LOXHD1: variants seen among roughly 807,000 people sequenced by gnomAD.
LOXHD1 encodes lipoxygenase homology domain-containing protein 1.
Under a neutral mutation model 248.2 loss-of-function variants are expected in LOXHD1, and 205 were observed. The observed-to-expected ratio is 0.83, with a 90% CI of 0.74 to 0.93. The LOEUF (loss-of-function observed/expected upper bound fraction) is 0.93, where lower values mean the gene tolerates loss of function less well. LOXHD1 is among the 40% of genes least tolerant of loss of function. LOXHD1 has a pLI of 0.00. For synonymous variants in LOXHD1, 1,113 were observed against 1,162.8 expected, an observed-to-expected ratio of 0.96 and a Z score of 0.87; for missense variants, 2,930 against 2,971.6, an observed-to-expected ratio of 0.99 and a Z score of 0.33.
At chr18:46,567,397 G>T (rs1568190787) in intron 16 of LOXHD1, among the ~76,000 whole-genome samples, 2 of 152,244 alleles carry the variant, frequency 1.3e-5, no homozygotes, top group Non-Finnish European at 2.9e-5. Context: ...CAACGTCAGA[G>T]CTAAGTGCAT....
intron 37 of LOXHD1, among the ~76,000 whole-genome samples, chr18:46,489,409 T>C (rs983077516): frequency 4.6e-5 from 7 of 152,206 alleles, no homozygotes; most frequent in African/African-American, 1.4e-4. Context: ...AAGCAGTCCA[T>C]GACCCCAAGA....
At chr18:46,519,924 T>C (rs1266880222) in intron 33 of LOXHD1, among the ~76,000 whole-genome samples, 2 of 152,194 alleles carry the variant, frequency 1.3e-5, no homozygotes, top group African/African-American at 4.8e-5. Context: ...CTTTGTGCCA[T>C]GGATAACGGG....
At chr18:46,575,941 C>A (rs1322056919) in intron 14 of LOXHD1, among the ~76,000 whole-genome samples, 1 of 152,168 alleles carries the variant, frequency 6.6e-6, no homozygotes, top group African/African-American at 2.4e-5. Context: ...ACCTGCCTGT[C>A]TTGCTGGACT....
intron 23 of LOXHD1, among the ~76,000 whole-genome samples, 197 bp from the exon 24 acceptor site, chr18:46,543,052 G>T (rs2036633510): frequency 6.6e-6 from 1 of 152,132 alleles, no homozygotes; most frequent in Non-Finnish European, 1.5e-5. Flanking sequence ...AGCTTTTGGG[G>T]TACAGGTGGT....
At chr18:46,580,381 A>T (rs1037605326) in intron 12 of LOXHD1, among the ~76,000 whole-genome samples, 2 of 152,268 alleles carry the variant, frequency 1.3e-5, no homozygotes, top group Non-Finnish European at 2.9e-5. Context: ...TGATAAGGAC[A>T]TGCCAGTAAG....
chr18:46,569,908 G>A (rs2037718363), intron 15 of LOXHD1, among the ~76,000 whole-genome samples: 1 of 152,228 alleles, frequency 6.6e-6, no homozygotes, highest in African/African-American at 2.4e-5. Context: ...GAGCAGGAAA[G>A]CGTGTAAATC....
At chr18:46,489,244 G>T in intron 37 of LOXHD1, 102 bp from the exon 38 acceptor site, 1 of 1,254,824 alleles carries the variant, frequency 8.0e-7, no homozygotes, top group Non-Finnish European at 1.1e-6. Context: ...CCCTGGACAA[G>T]TTATCTGTCC....
chr18:46,610,996 G>T, intron 5 of LOXHD1, 72 bp from the exon 6 acceptor site: 1 of 1,512,616 alleles, frequency 6.6e-7, no homozygotes, highest in Non-Finnish European at 8.9e-7. Flanking sequence ...TTCATGGTCC[G>T]CCCACTGAAA....
intron 34 of LOXHD1, among the ~76,000 whole-genome samples, chr18:46,512,327 G>A (rs1389457793): frequency 6.6e-6 from 1 of 151,522 alleles, no homozygotes. Context: ...ACCCAGAAAC[G>A]ACTCAGCATG....
At chr18:46,482,826 G>T (rs2032696713) in intron 40 of LOXHD1, among the ~76,000 whole-genome samples, 1 of 152,190 alleles carries the variant, frequency 6.6e-6, no homozygotes, top group Non-Finnish European at 1.5e-5. Flanking sequence ...AGATGTGGGA[G>T]CGTCCACAGT....
At chr18:46,489,807 G>A (rs1010878348) in intron 37 of LOXHD1, among the ~76,000 whole-genome samples, 2 of 152,192 alleles carry the variant, frequency 1.3e-5, no homozygotes, top group African/African-American at 2.4e-5. Flanking sequence ...ACTTGTTTTC[G>A]TTTCTTGCAT....
chr18:46,483,488 G>T (rs924001876), intron 40 of LOXHD1, 99 bp downstream of exon 40: 2 of 1,417,456 alleles, frequency 1.4e-6, no homozygotes, highest in South Asian at 1.2e-5. Flanking sequence ...CCTTGAAGAA[G>T]AGACCTCATC....
chr18:46,501,815 G>A (rs914363331), intron 37 of LOXHD1, among the ~76,000 whole-genome samples: 31 of 152,166 alleles, frequency 2.0e-4, no homozygotes, highest in African/African-American at 7.5e-4. Flanking sequence ...TTAAAACTGA[G>A]GGGATTGTTA....
rs760081421 is a variant in LOXHD1 at position 46,524,841 on chromosome 18, C to G, written c.4607G>C (p.Trp1536Ser). The G allele has an allele frequency of 2.3e-5, 35 of 1,551,786 alleles. No individual in the cohort carries two copies. Among genetic ancestry groups the G allele is most frequent in the Non-Finnish European group, 3.0e-5 (34 of 1,147,016 alleles). Residue 1536 changes from tryptophan to serine, a missense_variant, in exon 30 of 41, where the codon TGG (tryptophan) becomes TCG (serine). Coordinates refer to ENST00000642948, the MANE Select transcript of LOXHD1 (RefSeq NM_001384474.1). ...CTTCTCCACGTACCAGTCTGCGCAC[C>G]ACTTGGAGTTGTCATGGCGGAGCTT... ...KIKLRHDNSK[W>S]CADWYVEKVE...
At chr18:46,639,946 C>A (rs1321350675) in intron 3 of LOXHD1, 146 bp from the exon 4 acceptor site, 2 of 998,160 alleles carry the variant, frequency 2.0e-6, no homozygotes, top group East Asian at 5.3e-5. Context: ...TCGGTTTCCT[C>A]ATCTATAAAA....
chr18:46,521,064 C>G, intron 33 of LOXHD1, 33 bp downstream of exon 33: 2 of 1,547,490 alleles, frequency 1.3e-6, no homozygotes, highest in Non-Finnish European at 1.7e-6. Context: ...ACTGCCCTGG[C>G]CATGCACTGC....
At chr18:46,496,029 C>T (rs1410474182) in intron 37 of LOXHD1, among the ~76,000 whole-genome samples, 2 of 152,062 alleles carry the variant, frequency 1.3e-5, no homozygotes, top group Non-Finnish European at 2.9e-5. Context: ...GAAACTCCAT[C>T]CGTAAATAAA....
chr18:46,599,306 G>A (rs2038301825), intron 8 of LOXHD1, among the ~76,000 whole-genome samples: 1 of 152,124 alleles, frequency 6.6e-6, no homozygotes, highest in Admixed American at 6.5e-5. Context: ...CTGAATTAGA[G>A]CCTAGGAATC....
intron 7 of LOXHD1, 25 bp downstream of exon 7, chr18:46,604,081 G>C: frequency 6.4e-7 from 1 of 1,551,554 alleles, no homozygotes; most frequent in East Asian, 2.4e-5. Context: ...ATACCCAAAA[G>C]AGCCTCCCCT....
Sources: gnomAD v4.1 joint callset for allele counts (sites outside exome capture counted in the v4.1 genomes callset) on GRCh38, gnomAD v4.1.1 for gene constraint, MANE v1.5 for transcripts, NCBI Gene and HGNC (gene_info 2026-07-23, HGNC 2026-07-21) for gene names.